The following KAZN variants were observed in gnomAD, a reference collection of about 807,000 sequenced individuals.
KAZN encodes kazrin, periplakin interacting protein, also known as kazrin.
In KAZN, 40 loss-of-function variants were observed where a neutral mutation model predicts 87.4. The observed-to-expected ratio is 0.46, with a 90% CI of 0.36 to 0.60. KAZN has a LOEUF of 0.60. KAZN is among the 20% of genes least tolerant of loss of function. KAZN has a pLI of 0.00. For synonymous variants in KAZN, 466 were observed against 458.3 expected (o/e 1.02, Z -0.22); for missense variants, 898 against 1,073.9 (o/e 0.84, Z 2.29).
At chr1:14,732,161 A>G (rs1643706485) in intron 1 of KAZN, among the ~76,000 whole-genome samples, 1 of 152,190 alleles carries the variant, frequency 6.6e-6, no homozygotes, top group Non-Finnish European at 1.5e-5. Flanking sequence ...ATTCCCTTTG[A>G]TGACAGCATT....
chr1:15,092,098 C>T (rs1203589299), intron 8 of KAZN, among the ~76,000 whole-genome samples: 2 of 99,654 alleles, frequency 2.0e-5, no homozygotes, highest in South Asian at 3.3e-4. Flanking sequence ...TTTTTGGAGA[C>T]GGAGTTTCAC....
At chr1:14,600,220 C>T (rs1676849103) in intron 1 of KAZN, among the ~76,000 whole-genome samples, 1 of 152,178 alleles carries the variant, frequency 6.6e-6, no homozygotes, top group Non-Finnish European at 1.5e-5. Context: ...AATCTCCAGT[C>T]CATGAGGTCC....
intron 2 of KAZN, among the ~76,000 whole-genome samples, chr1:14,207,647 C>T (rs1227211842): frequency 6.6e-6 from 1 of 152,052 alleles, no homozygotes; most frequent in African/African-American, 2.4e-5. Context: ...TTTTTTGGCA[C>T]CCCTTTAAAT....
chr1:14,198,530 G>A (rs1395942794), intron 2 of KAZN, among the ~76,000 whole-genome samples: 4 of 152,192 alleles, frequency 2.6e-5, no homozygotes, highest in African/African-American at 7.2e-5. Context: ...AACTGGGGAG[G>A]TGGAGATTGC....
At chr1:14,155,055 G>A (rs1645563200) in intron 1 of KAZN, among the ~76,000 whole-genome samples, 2 of 150,030 alleles carry the variant, frequency 1.3e-5, no homozygotes, top group South Asian at 2.1e-4. Flanking sequence ...CTCAAATAAT[G>A]AGTTTGGAAG....
intron 2 of KAZN, among the ~76,000 whole-genome samples, chr1:14,196,173 G>A (rs1016466130): frequency 3.9e-5 from 6 of 152,202 alleles, no homozygotes; most frequent in African/African-American, 1.4e-4. Context: ...GAGCAAGGGT[G>A]AGAGTTCCAG....
intron 8 of KAZN, among the ~76,000 whole-genome samples, chr1:15,071,600 A>AAAG (rs1229971776): frequency 6.6e-6 from 1 of 152,226 alleles, no homozygotes; most frequent in African/African-American, 2.4e-5. Flanking sequence ...ATGATGTCTC[A>AAAG]AAGTCCCGTG....
At chr1:14,562,917 C>T (rs545889487) in intron 2 of KAZN, among the ~76,000 whole-genome samples, 16 of 152,280 alleles carry the variant, frequency 1.1e-4, no homozygotes, top group African/African-American at 3.4e-4. Context: ...CTCTGGAGTG[C>T]GTTTAGTTAA....
intron 1 of KAZN, among the ~76,000 whole-genome samples, chr1:14,730,885 C>T (rs911461068): frequency 6.6e-6 from 1 of 152,070 alleles, no homozygotes; most frequent in African/African-American, 2.4e-5. Context: ...AAGATGGTGG[C>T]CCTCCCTCTT....
At chr1:14,661,140 C>T (rs575374209) in intron 1 of KAZN, among the ~76,000 whole-genome samples, 4 of 152,096 alleles carry the variant, frequency 2.6e-5, no homozygotes, top group African/African-American at 7.2e-5. Context: ...TGCTCTTCTC[C>T]CCATTTGTAG....
chr1:14,107,529 G>T (rs960423368), intron 1 of KAZN, among the ~76,000 whole-genome samples: 1 of 152,144 alleles, frequency 6.6e-6, no homozygotes, highest in African/African-American at 2.4e-5. Context: ...TAAGGGACTA[G>T]GGGGACCTTA....
intron 1 of KAZN, among the ~76,000 whole-genome samples, chr1:14,163,894 A>G (rs904086065): frequency 6.6e-6 from 1 of 152,120 alleles, no homozygotes; most frequent in Admixed American, 6.5e-5. Context: ...TTACAGTCAC[A>G]TTTTCCTCGG....
chr1:14,691,928 C>CTT (rs34159268), intron 1 of KAZN, among the ~76,000 whole-genome samples: 33 of 144,486 alleles, frequency 2.3e-4, no homozygotes, highest in African/African-American at 5.4e-4. Context: ...CAATTTCTTC[C>CTT]TTTTTTTTTT....
At chr1:14,677,892 T>C (rs1640327329) in intron 1 of KAZN, among the ~76,000 whole-genome samples, 1 of 152,132 alleles carries the variant, frequency 6.6e-6, no homozygotes, top group Admixed American at 6.5e-5. Context: ...CTCCCAGGTG[T>C]CCATGCAGCT....
intron 1 of KAZN, among the ~76,000 whole-genome samples, chr1:14,690,679 G>A (rs1473888828): frequency 1.3e-5 from 2 of 152,146 alleles, no homozygotes; most frequent in Admixed American, 6.5e-5. Flanking sequence ...AGGACAAGAT[G>A]CTTTTATTCA....
chr1:14,391,411 A>C (rs1662411944), intron 2 of KAZN: 1 of 152,234 alleles, frequency 6.6e-6, no homozygotes, highest in South Asian at 2.1e-4. Flanking sequence ...TGCCTGCTCA[A>C]CCTCACCCCT....
chr1:14,419,906 T>C (rs761003720), intron 2 of KAZN, among the ~76,000 whole-genome samples: 15 of 151,994 alleles, frequency 9.9e-5, no homozygotes, highest in Non-Finnish European at 1.8e-4. Flanking sequence ...CGAGCAACAA[T>C]GGGATTTATT....
At chr1:14,076,586 C>G (rs1449422127) in intron 1 of KAZN, among the ~76,000 whole-genome samples, 1 of 152,204 alleles carries the variant, frequency 6.6e-6, no homozygotes, top group Non-Finnish European at 1.5e-5. Flanking sequence ...AACTAGTTCA[C>G]ATTTCTAGTT....
rs1036392979 is a variant in KAZN, at chr1:14,599,584, G to C, written c.226+361G>C. Among the ~76,000 whole-genome samples the C allele has an allele frequency of 6.6e-6, 1 of 152,174 alleles. No individual in the cohort carries two copies. Among genetic ancestry groups the C allele is most frequent in the African/African-American group, 2.4e-5 (1 of 41,446 alleles). Reference sequence around the variant, plus strand: ...GGGGCCTTTTCCCCACCCCCCGCAGGGGTGAATGGCACAGTTCCCCCCACT... The same window carrying C: ...GGGGCCTTTTCCCCACCCCCCGCAGCGGTGAATGGCACAGTTCCCCCCACT... On this transcript the variant is annotated intron_variant, in intron 1 of 14. Coordinates refer to ENST00000376030, the MANE Select transcript of KAZN (RefSeq NM_201628.3). The surrounding 1 kb of genome is among the most constrained non-coding windows in gnomAD (Gnocchi z 4.4).
Sources: allele counts gnomAD v4.1 joint callset (sites outside exome capture counted in the v4.1 genomes callset), GRCh38; gene constraint gnomAD v4.1.1; non-coding constraint Gnocchi (gnomAD v3.1); transcripts MANE v1.5; gene names NCBI Gene and HGNC (gene_info 2026-07-23, HGNC 2026-07-21).